KCND2: variants seen among roughly 807,000 people sequenced by gnomAD.
KCND2 encodes potassium voltage-gated channel subfamily D member 2.
KCND2 carries 16 observed loss-of-function variants against 54.4 expected under a neutral mutation model. The observed-to-expected ratio is 0.29, with a 90% CI of 0.20 to 0.45. The LOEUF (loss-of-function observed/expected upper bound fraction) is 0.45, where lower values mean the gene tolerates loss of function less well. Ranked by LOEUF, KCND2 falls within the 20% of genes least tolerant of loss-of-function variation. The pLI is 1.00. For missense variants in KCND2, 486 were observed against 824.2 expected, an observed-to-expected ratio of 0.59 and a Z score of 5.02; for synonymous variants, 317 against 310.7, an observed-to-expected ratio of 1.02 and a Z score of -0.21.
intron 1 of KCND2, among the ~76,000 whole-genome samples, chr7:120,558,074 A>G (rs2116405428): frequency 6.6e-6 from 1 of 152,234 alleles, no homozygotes; most frequent in Middle Eastern, 3.4e-3. Flanking sequence ...CTTTATTATT[A>G]ATAATTTTTT....
chr7:120,597,833 T>C (rs1039075636), intron 1 of KCND2, among the ~76,000 whole-genome samples: 4 of 152,130 alleles, frequency 2.6e-5, no homozygotes, highest in African/African-American at 9.6e-5. Flanking sequence ...CCCTAGTCAG[T>C]CTTGTTTCCT....
chr7:120,701,685 A>C (rs937926957), intron 1 of KCND2, among the ~76,000 whole-genome samples: 1 of 152,198 alleles, frequency 6.6e-6, no homozygotes, highest in African/African-American at 2.4e-5. Context: ...CAAAGCTGAC[A>C]AAACAAGCAG....
chr7:120,587,755 A>G (rs1792618534), intron 1 of KCND2, among the ~76,000 whole-genome samples: 1 of 152,210 alleles, frequency 6.6e-6, no homozygotes, highest in Non-Finnish European at 1.5e-5. Context: ...CCTTTAGGAT[A>G]AATGCATGTG....
rs560047372 is a variant in KCND2, at chr7:120,342,307, A to T, written c.1115+66560A>T. ...TTGTGAGTGATAAGTACAATGATGT[A>T]TGTAAAACACCTGGCATAGAATAAG... On this transcript the variant is annotated intron_variant, in intron 1 of 5. Transcript: ENST00000331113. Among the ~76,000 whole-genome samples the T allele has an allele frequency of 2.0e-5, 3 of 152,328 alleles. No individual in the cohort carries two copies. The East Asian group carries it at 5.8e-4, about 29-fold the overall frequency.
At chr7:120,283,705 A>G (rs986840622) in intron 1 of KCND2, among the ~76,000 whole-genome samples, 4 of 152,198 alleles carry the variant, frequency 2.6e-5, no homozygotes, top group Admixed American at 6.5e-5. Flanking sequence ...ATAGATTTGC[A>G]TACTTAATAG....
chr7:120,544,481 G>T (rs1351283534), intron 1 of KCND2, among the ~76,000 whole-genome samples: 2 of 151,958 alleles, frequency 1.3e-5, no homozygotes, highest in East Asian at 1.9e-4. Context: ...TCTAAGGAAA[G>T]AATTTTAAAA....
At chr7:120,602,154 T>C (rs756306160) in intron 1 of KCND2, among the ~76,000 whole-genome samples, 18 of 152,162 alleles carry the variant, frequency 1.2e-4, no homozygotes, top group Non-Finnish European at 1.9e-4. Flanking sequence ...GTCATGTAAA[T>C]AGCATTAAGG....
chr7:120,410,895 C>A (rs964956562), intron 1 of KCND2, among the ~76,000 whole-genome samples: 1 of 151,944 alleles, frequency 6.6e-6, no homozygotes, highest in African/African-American at 2.4e-5. Context: ...TTTATGGCTG[C>A]ATAGCATTCC....
intron 1 of KCND2, among the ~76,000 whole-genome samples, chr7:120,510,737 A>T (rs1466038843): frequency 6.6e-6 from 1 of 152,006 alleles, no homozygotes; most frequent in East Asian, 1.9e-4. Flanking sequence ...AGGGTTTAAG[A>T]TGTCAGGCAT....
At chr7:120,370,389 G>A (rs1800748684) in intron 1 of KCND2, among the ~76,000 whole-genome samples, 2 of 151,994 alleles carry the variant, frequency 1.3e-5, no homozygotes. Context: ...CATAAGTGAT[G>A]TCTTCTGACT....
chr7:120,292,227 C>A (rs1171829436), intron 1 of KCND2, among the ~76,000 whole-genome samples: 1 of 151,560 alleles, frequency 6.6e-6, no homozygotes, highest in African/African-American at 2.4e-5. Flanking sequence ...TGTAAATGTC[C>A]TATTTGTATT....
chr7:120,351,516 A>T (rs1238642757), intron 1 of KCND2, among the ~76,000 whole-genome samples: 2 of 151,790 alleles, frequency 1.3e-5, no homozygotes, highest in Non-Finnish European at 2.9e-5. Context: ...CACCAGGAAG[A>T]AGCATGCAGT....
intron 1 of KCND2, among the ~76,000 whole-genome samples, chr7:120,515,734 T>C (rs548510751): frequency 3.9e-5 from 6 of 152,180 alleles, no homozygotes; most frequent in African/African-American, 1.4e-4. Context: ...ATGGAGCTAA[T>C]AGATGCTGTG....
At position 120,443,351 on chromosome 7, in the gene KCND2, TA is replaced by T. The variant is rs1383359511; in HGVS notation, c.1115+167607del. On this transcript the variant is annotated intron_variant, in intron 1 of 5. Transcript: ENST00000331113. ...AACAATCTCCAAGAAATAACAATAA[TA>T]AATAATAATAATAATAATAATAATA... Among the ~76,000 whole-genome samples the T allele has an allele frequency of 3.3e-4, 41 of 123,056 alleles. No individual in the cohort carries two copies. In the East Asian group the frequency reaches 7.7e-3, roughly 23 times the overall value. 80.7% of individuals were successfully genotyped at this position (123,056 alleles called of 152,430 possible). A position where few individuals can be genotyped will look rare whatever the true frequency, so the allele number is the denominator to read the frequency against.
At chr7:120,472,745 A>G (rs1259821882) in intron 1 of KCND2, among the ~76,000 whole-genome samples, 3 of 152,210 alleles carry the variant, frequency 2.0e-5, no homozygotes, top group Non-Finnish European at 2.9e-5. Context: ...ACCAGAACAC[A>G]GAATGGTATG....
chr7:120,332,226 TAAC>T (rs891895811), intron 1 of KCND2, among the ~76,000 whole-genome samples: 1 of 152,092 alleles, frequency 6.6e-6, no homozygotes, highest in African/African-American at 2.4e-5. Context: ...ACAATAATGA[TAAC>T]AATTATTACA....
intron 1 of KCND2, among the ~76,000 whole-genome samples, chr7:120,673,762 C>T (rs902657324): frequency 6.6e-6 from 1 of 152,102 alleles, no homozygotes; most frequent in Non-Finnish European, 1.5e-5. Context: ...AAAATGCCCT[C>T]CATGGCCTAG....
At chr7:120,282,727 C>A (rs1367285480) in intron 1 of KCND2, among the ~76,000 whole-genome samples, 1 of 152,106 alleles carries the variant, frequency 6.6e-6, no homozygotes, top group African/African-American at 2.4e-5. Flanking sequence ...CCGTCTTCTT[C>A]ATTTTCTTCA....
intron 1 of KCND2, among the ~76,000 whole-genome samples, chr7:120,442,308 C>T (rs1216073259): frequency 6.6e-6 from 1 of 152,046 alleles, no homozygotes; most frequent in Non-Finnish European, 1.5e-5. Context: ...TTGTTAAGAA[C>T]ATTGGTTGTG....
Sources: gnomAD v4.1 joint callset for allele counts (sites outside exome capture counted in the v4.1 genomes callset) on GRCh38, gnomAD v4.1.1 for gene constraint, MANE v1.5 for transcripts, NCBI Gene and HGNC (gene_info 2026-07-23, HGNC 2026-07-21) for gene names.